The following RUNX1 variants were observed in gnomAD, a reference collection of about 807,000 sequenced individuals.
The protein encoded by RUNX1 is RUNX family transcription factor 1, also known as runt-related transcription factor 1.
A neutral mutation model predicts 42.8 loss-of-function variants in RUNX1; 19 were observed. The ratio of observed to expected loss-of-function variants is 0.44; its 90% CI spans 0.31 to 0.65. The LOEUF (loss-of-function observed/expected upper bound fraction) is 0.65. Ranked by LOEUF, RUNX1 falls within the 30% of genes least tolerant of loss-of-function variation. The probability of loss-of-function intolerance (pLI) is 0.07; values close to 1 mark genes in which losing one functional copy is unlikely to be tolerated. For synonymous variants in RUNX1, 271 were observed against 289.4 expected, an observed-to-expected ratio of 0.94 and a Z score of 0.64; for missense variants, 528 against 672.0, an observed-to-expected ratio of 0.79 and a Z score of 2.37.
At chr21:34,868,477 A>C (rs185409287) in intron 5 of RUNX1, among the ~76,000 whole-genome samples, 69 of 152,244 alleles carry the variant, frequency 4.5e-4, no homozygotes, top group Middle Eastern at 3.4e-3. Flanking sequence ...GCTCCCCGCC[A>C]TCACTCCCCA....
intron 5 of RUNX1, among the ~76,000 whole-genome samples, chr21:34,874,131 C>T (rs906140416): frequency 1.3e-5 from 2 of 151,686 alleles, no homozygotes; most frequent in Admixed American, 1.3e-4. Context: ...CATTCTCTCT[C>T]TCTCTCTCTC....
chr21:34,840,726 C>T (rs961309727), intron 6 of RUNX1, among the ~76,000 whole-genome samples: 1 of 152,200 alleles, frequency 6.6e-6, no homozygotes, highest in African/African-American at 2.4e-5. Flanking sequence ...CCTGCTCTAT[C>T]TTTCTGTGTG....
chr21:34,978,404 A>G (rs1405195080), intron 2 of RUNX1, among the ~76,000 whole-genome samples: 1 of 152,016 alleles, frequency 6.6e-6, no homozygotes, highest in Non-Finnish European at 1.5e-5. Context: ...TTTTACAAAT[A>G]AAAAATAAAC....
At chr21:34,967,319 CAAAAAAAAAAAAA>C (rs398036394) in intron 2 of RUNX1, among the ~76,000 whole-genome samples, 362 of 15,648 alleles carry the variant, frequency 0.023, 9 homozygotes, top group South Asian at 0.062. Context: ...GACTCGGTCT[CAAAAAAAAAAAAA>C]AAAAAAAAAA....
At chr21:35,025,527 T>C (rs1210675472) in intron 2 of RUNX1, among the ~76,000 whole-genome samples, 5 of 152,240 alleles carry the variant, frequency 3.3e-5, no homozygotes, top group Non-Finnish European at 7.3e-5. Context: ...AGCTCTCTCC[T>C]TCTTCCCTAA....
At chr21:34,990,232 G>A (rs550292996) in intron 2 of RUNX1, among the ~76,000 whole-genome samples, 1 of 152,268 alleles carries the variant, frequency 6.6e-6, no homozygotes, top group South Asian at 2.1e-4. Flanking sequence ...CATCAGATCC[G>A]ACAAAATAGG....
chr21:34,930,162 C>A (rs1280841594), intron 2 of RUNX1, among the ~76,000 whole-genome samples: 1 of 136,292 alleles, frequency 7.3e-6, no homozygotes, highest in Admixed American at 7.8e-5. Flanking sequence ...GCTGCAAAAA[C>A]CAAATTTCAA....
At chr21:34,931,194 G>A (rs2058441878) in intron 2 of RUNX1, among the ~76,000 whole-genome samples, 2 of 151,962 alleles carry the variant, frequency 1.3e-5, no homozygotes, top group Non-Finnish European at 2.9e-5. Context: ...CATCTGTGCT[G>A]CCTAGAGGTG....
chr21:34,842,839 C>T (rs1035575730), intron 6 of RUNX1, among the ~76,000 whole-genome samples: 5 of 152,030 alleles, frequency 3.3e-5, no homozygotes, highest in East Asian at 3.9e-4. Context: ...GAGGCTGAGG[C>T]GGACAGATCA....
chr21:34,913,674 T>C (rs1380358023), intron 2 of RUNX1, among the ~76,000 whole-genome samples: 1 of 152,212 alleles, frequency 6.6e-6, no homozygotes, highest in Non-Finnish European at 1.5e-5. Context: ...TACATTGTAT[T>C]CTTTAATAAT....
intron 5 of RUNX1, among the ~76,000 whole-genome samples, chr21:34,863,404 C>T (rs1053388582): frequency 4.6e-5 from 7 of 152,138 alleles, no homozygotes; most frequent in African/African-American, 1.4e-4. Context: ...TACTGAGCTG[C>T]GTTTGGGCCT....
chr21:34,918,174 G>T (rs948272016), intron 2 of RUNX1, among the ~76,000 whole-genome samples: 12 of 148,562 alleles, frequency 8.1e-5, no homozygotes, highest in African/African-American at 2.7e-4. Context: ...CCCAAGTGAT[G>T]ATGCTGTGTG....
chr21:34,848,857 C>A (rs1306846739), intron 6 of RUNX1, among the ~76,000 whole-genome samples: 1 of 152,054 alleles, frequency 6.6e-6, no homozygotes, highest in East Asian at 1.9e-4. Context: ...TATCATACAA[C>A]CACTTCAAAG....
At chr21:34,829,379 A>T (rs578043516) in intron 7 of RUNX1, among the ~76,000 whole-genome samples, 1 of 152,348 alleles carries the variant, frequency 6.6e-6, no homozygotes, top group South Asian at 2.1e-4. Context: ...GAAATATTTC[A>T]TCACTAAGAT....
At chr21:34,966,975 T>C (rs1443747681) in intron 2 of RUNX1, among the ~76,000 whole-genome samples, 1 of 152,050 alleles carries the variant, frequency 6.6e-6, no homozygotes, top group Non-Finnish European at 1.5e-5. Context: ...AGGTTATTCA[T>C]GCAATTATCC....
At position 34,907,941 on chromosome 21, in the gene RUNX1, A is replaced by G. The variant is rs2058237312; in HGVS notation, c.59-14978T>C. The stretch of plus-strand genomic sequence containing the variant: ...ATAGAGGGAAAAGGAGGCTCTGAAA[A>G]GTGAGTGGCTCTTCTAAGCTCCCGA... On this transcript the variant is annotated intron_variant, in intron 2 of 8. Transcript: ENST00000675419. The surrounding 1 kb of genome is among the most constrained non-coding windows in gnomAD (Gnocchi z 5.3). Among the ~76,000 whole-genome samples, 1 of 152,168 alleles carries G rather than the reference A, an allele frequency of 6.6e-6. No homozygotes were observed. The highest frequency in any genetic ancestry group is 1.5e-5 in the Non-Finnish European group (1 of 68,024).
intron 2 of RUNX1, among the ~76,000 whole-genome samples, chr21:35,044,525 T>C (rs1052292963): frequency 6.6e-6 from 1 of 152,176 alleles, no homozygotes; most frequent in South Asian, 2.1e-4. Context: ...ATGAGGAAAC[T>C]AAGGCTCAAG....
chr21:34,873,150 G>A (rs540836830), intron 5 of RUNX1, among the ~76,000 whole-genome samples: 3 of 152,200 alleles, frequency 2.0e-5, no homozygotes, highest in East Asian at 3.9e-4. Flanking sequence ...TAGAATGAAG[G>A]AAAAAAATCT....
rs761688033 is a variant in RUNX1, at chr21:34,799,309, C to T, written c.959G>A (p.Arg320Gln). Reference sequence around the variant, plus strand: ...GTTTTCAAGTGGCTTACTTGAGAGTCGACTGGAAAGTTCTGCAGAGAGGGT... The same window carrying T: ...GTTTTCAAGTGGCTTACTTGAGAGTTGACTGGAAAGTTCTGCAGAGAGGGT... ...MTTLSAELSS[R>Q]LSTAPDLTAF... The change falls in exon 8 of 9, where the codon CGA becomes CAA. Residue 320 changes from arginine to glutamine, a missense_variant. By Grantham distance (43) the Arg-to-Gln change is conservative. Transcript: ENST00000675419. 1.4e-5 allele frequency: 23 copies of T among 1,614,002 alleles called. No homozygotes were observed. Among genetic ancestry groups the T allele is most frequent in the African/African-American group, 2.7e-5 (2 of 74,912 alleles).
Sources: allele counts gnomAD v4.1 joint callset (sites outside exome capture counted in the v4.1 genomes callset), GRCh38; gene constraint gnomAD v4.1.1; non-coding constraint Gnocchi (gnomAD v3.1); transcripts MANE v1.5; gene names NCBI Gene and HGNC (gene_info 2026-07-23, HGNC 2026-07-21).